The following ZNF536 variants were observed in gnomAD, a reference collection of about 807,000 sequenced individuals.
ZNF536 encodes the protein zinc finger protein 536.
In ZNF536, 13 loss-of-function variants were observed where a neutral mutation model predicts 84.5. The ratio of observed to expected loss-of-function variants is 0.15; its 90% CI spans 0.10 to 0.24. The LOEUF (loss-of-function observed/expected upper bound fraction) is 0.24. ZNF536 is among the 10% of genes least tolerant of loss of function. The pLI is 1.00. For synonymous variants in ZNF536, 811 were observed against 742.5 expected, an observed-to-expected ratio of 1.09 and a Z score of -1.50; for missense variants, 1,536 against 1,747.5, an observed-to-expected ratio of 0.88 and a Z score of 2.16.
At chr19:30,423,113 C>CCATG (rs2051049053) in intron 1 of ZNF536, among the ~76,000 whole-genome samples, 1 of 70,700 alleles carries the variant, frequency 1.4e-5, no homozygotes, top group Non-Finnish European at 3.2e-5. Flanking sequence ...ACACATCCAT[C>CCATG]CATCCATGCA....
intron 1 of ZNF536, among the ~76,000 whole-genome samples, chr19:30,250,593 G>T (rs2024551100): frequency 1.3e-5 from 2 of 152,182 alleles, no homozygotes; most frequent in Admixed American, 1.3e-4. Context: ...GACCTTGCTA[G>T]GGCTGGGCAC....
chr19:30,613,575 A>G (rs1301593038), intron 1 of ZNF536, among the ~76,000 whole-genome samples: 1 of 152,154 alleles, frequency 6.6e-6, no homozygotes, highest in Non-Finnish European at 1.5e-5. Context: ...GGCAATTGGG[A>G]GCATCTTCTT....
At chr19:30,361,639 T>A (rs151268355) in intron 3 of ZNF536, among the ~76,000 whole-genome samples, 43 of 152,248 alleles carry the variant, frequency 2.8e-4, no homozygotes, top group African/African-American at 8.9e-4. Context: ...GTGCCAGCTG[T>A]TGGTGCAGAG....
chr19:30,694,343 G>A (rs1201290187), intron 1 of ZNF536, among the ~76,000 whole-genome samples: 2 of 152,216 alleles, frequency 1.3e-5, no homozygotes, highest in Admixed American at 1.3e-4. Context: ...TTATTTCACT[G>A]GGTGTGTACA....
rs538371470 is a variant in ZNF536 at position 30,557,291 on chromosome 19, T to C, written c.*127T>C. Reference sequence around the variant, plus strand: ...GTATACACATATGTGTGTTGAATAATTACTATTGGCATAGGTATGTGTATA... The same window carrying C: ...GTATACACATATGTGTGTTGAATAACTACTATTGGCATAGGTATGTGTATA... On this transcript the variant is annotated 3_prime_UTR_variant, in exon 5 of 5. Coordinates refer to ENST00000355537, the MANE Select transcript of ZNF536 (RefSeq NM_014717.3). 2.8e-6 allele frequency: 3 copies of C among 1,077,996 alleles called. No individual in the cohort carries two copies. Among genetic ancestry groups the C allele is most frequent in the Non-Finnish European group, 1.4e-6 (1 of 708,176 alleles). The allele number at this position is 1,077,996 out of a possible 1,614,324, so 66.8% of individuals were successfully genotyped here. A position where few individuals can be genotyped will look rare whatever the true frequency, so the allele number is the denominator to read the frequency against.
At chr19:30,247,056 G>C (rs974835987) in intron 1 of ZNF536, among the ~76,000 whole-genome samples, 2 of 152,148 alleles carry the variant, frequency 1.3e-5, no homozygotes, top group Non-Finnish European at 2.9e-5. Context: ...TTTCCGCTGG[G>C]GTTTGGGCAT....
chr19:30,343,540 G>A (rs771530297), intron 2 of ZNF536, among the ~76,000 whole-genome samples: 2 of 152,148 alleles, frequency 1.3e-5, no homozygotes, highest in Non-Finnish European at 2.9e-5. Context: ...GGAGATGAAG[G>A]GGAGGAAGAG....
At chr19:30,232,686 G>A (rs912535851) in intron 1 of ZNF536, among the ~76,000 whole-genome samples, 8 of 152,190 alleles carry the variant, frequency 5.3e-5, no homozygotes, top group African/African-American at 1.7e-4. Flanking sequence ...GAGCTTGCTC[G>A]AGGTGGGGTT....
chr19:30,682,842 C>T (rs539196678), intron 1 of ZNF536, among the ~76,000 whole-genome samples: 63 of 152,346 alleles, frequency 4.1e-4, no homozygotes, highest in African/African-American at 1.5e-3. Context: ...TTGGCACCAG[C>T]ACCCTCCTGA....
chr19:30,493,619 G>A (rs567756341), intron 2 of ZNF536, among the ~76,000 whole-genome samples: 11 of 152,216 alleles, frequency 7.2e-5, no homozygotes, highest in South Asian at 4.2e-4. Context: ...GGCATTTGTC[G>A]TGGGCCTGAG....
intron 3 of ZNF536, among the ~76,000 whole-genome samples, chr19:30,540,276 AAGG>A (rs2045278746): frequency 6.6e-6 from 1 of 152,156 alleles, no homozygotes. Flanking sequence ...CTATAGGACC[AAGG>A]AGGATTGTGG....
intron 2 of ZNF536, among the ~76,000 whole-genome samples, chr19:30,298,028 G>A (rs926525545): frequency 1.2e-4 from 18 of 151,960 alleles, no homozygotes; most frequent in African/African-American, 3.6e-4. Context: ...TTATAGGCGC[G>A]TGCCACCATG....
intron 1 of ZNF536, among the ~76,000 whole-genome samples, chr19:30,660,672 T>C (rs888744130): frequency 6.6e-6 from 1 of 152,252 alleles, no homozygotes; most frequent in African/African-American, 2.4e-5. Flanking sequence ...ATATATTTGA[T>C]ACAACTTTTT....
intron 1 of ZNF536, among the ~76,000 whole-genome samples, chr19:30,431,111 T>A (rs1652818136): frequency 6.6e-6 from 1 of 152,218 alleles, no homozygotes; most frequent in Non-Finnish European, 1.5e-5. Flanking sequence ...GGAATCCATC[T>A]ATGGCAGGAA....
chr19:30,644,490 A>G (rs914698284), intron 1 of ZNF536, among the ~76,000 whole-genome samples: 10 of 152,048 alleles, frequency 6.6e-5, no homozygotes, highest in Admixed American at 3.3e-4. Flanking sequence ...AGCATTAGGT[A>G]TATCTCCAAA....
At chr19:30,334,110 C>G (rs548593107) in intron 2 of ZNF536, among the ~76,000 whole-genome samples, 1 of 152,228 alleles carries the variant, frequency 6.6e-6, no homozygotes, top group South Asian at 2.1e-4. Context: ...AATGAAAGCT[C>G]CCATCACTGG....
chr19:30,331,041 G>T (rs999147890), intron 2 of ZNF536, among the ~76,000 whole-genome samples: 1 of 152,010 alleles, frequency 6.6e-6, no homozygotes, highest in Non-Finnish European at 1.5e-5. Flanking sequence ...CAGCAATTTG[G>T]GAGGTCAAGG....
intron 1 of ZNF536, among the ~76,000 whole-genome samples, chr19:30,655,407 A>G (rs1197700606): frequency 6.6e-6 from 1 of 152,176 alleles, no homozygotes; most frequent in African/African-American, 2.4e-5. Flanking sequence ...GCCACATGCA[A>G]GGGGAATGCC....
intron 1 of ZNF536, among the ~76,000 whole-genome samples, chr19:30,675,212 C>T (rs966356507): frequency 2.0e-5 from 3 of 152,158 alleles, no homozygotes; most frequent in South Asian, 2.1e-4. Context: ...GACACTTCCA[C>T]AGAGATTTGT....
Sources: gnomAD v4.1 joint callset for allele counts (sites outside exome capture counted in the v4.1 genomes callset) on GRCh38, gnomAD v4.1.1 for gene constraint, MANE v1.5 for transcripts, NCBI Gene and HGNC (gene_info 2026-07-23, HGNC 2026-07-21) for gene names.